SYAP1: variants seen among roughly 807,000 people sequenced by gnomAD.
SYAP1 encodes synapse associated protein 1, also known as synapse-associated protein 1.
Under a neutral mutation model 29.6 loss-of-function variants are expected in SYAP1, and 3 were observed. The ratio of observed to expected loss-of-function variants is 0.10; its 90% CI spans 0.05 to 0.26. The LOEUF is 0.26. Among genes scored for constraint, SYAP1 ranks in the 10% least tolerant of loss-of-function variants. SYAP1 has a pLI of 1.00. For missense variants in SYAP1, 217 were observed against 264.1 expected (o/e 0.82, Z 1.24); for synonymous variants, 102 against 102.7 (o/e 0.99, Z 0.04).
Position 16,754,974 on chromosome X carries a change from A to G in SYAP1, c.605A>G (p.Tyr202Cys). 2 of 1,211,342 alleles carry G rather than the reference A, an allele frequency of 1.7e-6. No individual in the cohort carries two copies. Among genetic ancestry groups the G allele is most frequent in the Non-Finnish European group, 2.2e-6 (2 of 895,175 alleles). ...LVKEEVFWRN[Y>C]FYRVSLIKQS... ...AAGGAAGAAGTGTTCTGGAGGAACT[A>G]CTTTTACCGCGTCTCCCTGATTAAG... The change falls in exon 6 of 9, where the codon TAC becomes TGC. Residue 202 changes from tyrosine to cysteine, a missense_variant. By Grantham distance (194) the Tyr-to-Cys change is radical. Transcript: ENST00000380155.
chrX:16,729,256 C>T (rs775178720), intron 1 of SYAP1, among the ~76,000 whole-genome samples: 18 of 110,920 alleles, frequency 1.6e-4, no homozygotes, highest in Admixed American at 5.8e-4. Flanking sequence ...GCAATGCTTC[C>T]TGTGTGGTTT....
chrX:16,740,285 G>A (rs1254262210), intron 3 of SYAP1, among the ~76,000 whole-genome samples: 3 of 109,665 alleles, frequency 2.7e-5, no homozygotes, highest in Middle Eastern at 4.7e-3. Context: ...AGCTTCTAAC[G>A]GCTTATTGAG....
intron 5 of SYAP1, among the ~76,000 whole-genome samples, chrX:16,744,706 C>T (rs757030035): frequency 1.4e-4 from 16 of 110,940 alleles, no homozygotes; most frequent in African/African-American, 4.6e-4. Context: ...GTGGTGTGCA[C>T]CTTTAGTCCC....
rs773462591 is a variant in SYAP1, at chrX:16,740,963, A to G, written c.362-753A>G. Among the ~76,000 whole-genome samples, 11 of 110,255 alleles carry G rather than the reference A, an allele frequency of 1.0e-4. No homozygotes were observed. In the East Asian group the frequency reaches 3.1e-3, roughly 32 times the overall value. On this transcript the variant is annotated intron_variant, in intron 3 of 8. Coordinates refer to ENST00000380155, the MANE Select transcript of SYAP1 (RefSeq NM_032796.4). ...TATGATATTAATATTTTTGAAGAATACTTCTCTTCCTTTTTTTTAATAGAT... is the reference window on the plus strand; with the variant it reads ...TATGATATTAATATTTTTGAAGAATGCTTCTCTTCCTTTTTTTTAATAGAT...
At position 16,741,802 on chromosome X, in the gene SYAP1, T is replaced by C; in HGVS notation, c.435+13T>C. The C allele has an allele frequency of 8.8e-7, 1 of 1,131,894 alleles. No individual in the cohort carries two copies. Among genetic ancestry groups the C allele is most frequent in the Non-Finnish European group, 1.2e-6 (1 of 827,131 alleles). The allele number at this position is 1,131,894 out of a possible 1,213,427, so 93.3% of individuals were successfully genotyped here. ...GGCCTTATCAGCTGTAAGTATCTTG[T>C]GGTACCCCAGATAGAACATACTTTC... On this transcript the variant is annotated intron_variant, in intron 4 of 8. Transcript: ENST00000380155.
chrX:16,755,692 T>C (rs1926828679), intron 6 of SYAP1, among the ~76,000 whole-genome samples: 1 of 111,696 alleles, frequency 9.0e-6, no homozygotes, highest in Non-Finnish European at 1.9e-5. Flanking sequence ...TAGGCACTGA[T>C]GAACATTGGA....
chrX:16,763,075 C>A lies in SYAP1; in HGVS notation c.*2716C>A, dbSNP rs1181318077. ...GGCTGAGGCAGGCAGATTGCTTGAG[C>A]TCAGGAGTTCAAGACCAGCCTGGGC... On this transcript the variant is annotated 3_prime_UTR_variant, in exon 9 of 9. Coordinates refer to ENST00000380155, the MANE Select transcript of SYAP1 (RefSeq NM_032796.4). 1 of 110,551 alleles carries A rather than the reference C, an allele frequency of 9.0e-6. No homozygotes were observed. The highest frequency in any genetic ancestry group is 1.9e-5 in the Non-Finnish European group (1 of 53,013). 9.1% of individuals were successfully genotyped at this position (110,551 alleles called of 1,213,427 possible). A position where few individuals can be genotyped will look rare whatever the true frequency, so the allele number is the denominator to read the frequency against.
At chrX:16,720,820 C>T (rs1925942071) in intron 1 of SYAP1, among the ~76,000 whole-genome samples, 1 of 110,907 alleles carries the variant, frequency 9.0e-6, no homozygotes, top group Admixed American at 9.7e-5. Context: ...CGAGACCAGC[C>T]TGGCCAACAC....
At chrX:16,721,984 T>C (rs1397055655) in intron 1 of SYAP1, among the ~76,000 whole-genome samples, 3 of 112,550 alleles carry the variant, frequency 2.7e-5, no homozygotes, top group East Asian at 5.5e-4. Flanking sequence ...ACATTGTGAA[T>C]TTAAAGCTTC....
At chrX:16,736,338 G>A in intron 3 of SYAP1, 106 bp downstream of exon 3, 1 of 502,600 alleles carries the variant, frequency 2.0e-6, no homozygotes, top group Non-Finnish European at 3.5e-6. Flanking sequence ...CATATGCAAT[G>A]GCCCCATCCT....
chrX:16,756,006 T>C (rs1007520099), intron 6 of SYAP1, among the ~76,000 whole-genome samples: 2 of 111,507 alleles, frequency 1.8e-5, no homozygotes, highest in African/African-American at 6.5e-5. Context: ...TGGAGTGAAG[T>C]TGCTCTACAC....
In SYAP1 at chrX:16,734,032, T is replaced by C. The variant is rs189557446; in HGVS notation, c.176-1195T>C. Reference sequence around the variant, plus strand: ...GGTTTTGTTTTGTAAAAACTGGAAGTTTTATGGGTTCCACTTTTAATCTTG... The same window carrying C: ...GGTTTTGTTTTGTAAAAACTGGAAGCTTTATGGGTTCCACTTTTAATCTTG... On this transcript the variant is annotated intron_variant, in intron 1 of 8. Coordinates refer to ENST00000380155, the MANE Select transcript of SYAP1 (RefSeq NM_032796.4). Among the ~76,000 whole-genome samples the C allele has an allele frequency of 1.6e-4, 18 of 111,207 alleles. No homozygotes were observed. In the East Asian group the frequency reaches 5.1e-3, roughly 32 times the overall value.
intron 5 of SYAP1, among the ~76,000 whole-genome samples, chrX:16,752,540 G>A (rs1364534701): frequency 9.1e-6 from 1 of 109,629 alleles, no homozygotes; most frequent in Non-Finnish European, 1.9e-5. Context: ...ACCACAGTGT[G>A]CCCATCCAAA....
chrX:16,735,570 A>T (rs1188917502), intron 2 of SYAP1, among the ~76,000 whole-genome samples: 1 of 112,485 alleles, frequency 8.9e-6, no homozygotes, highest in East Asian at 2.7e-4. Context: ...ATATATTACA[A>T]TCAATACATT....
intron 8 of SYAP1, among the ~76,000 whole-genome samples, chrX:16,758,171 G>A (rs903597006): frequency 1.8e-5 from 2 of 110,950 alleles, no homozygotes; most frequent in Non-Finnish European, 3.8e-5. Context: ...AGGCTCCAAT[G>A]TAGCTGGGAC....
intron 1 of SYAP1, among the ~76,000 whole-genome samples, chrX:16,732,532 A>G (rs62585742): frequency 2.7e-5 from 3 of 111,241 alleles, no homozygotes; most frequent in Non-Finnish European, 5.7e-5. Flanking sequence ...TCGGCCTCCC[A>G]AAGTGCTGGG....
chrX:16,748,123 A>G (rs1926649454), intron 5 of SYAP1, among the ~76,000 whole-genome samples: 1 of 112,084 alleles, frequency 8.9e-6, no homozygotes, highest in Non-Finnish European at 1.9e-5. Flanking sequence ...TTGCTGAAGT[A>G]TTTACAAATG....
intron 1 of SYAP1, among the ~76,000 whole-genome samples, chrX:16,731,839 C>T (rs1926210414): frequency 9.0e-6 from 1 of 110,770 alleles, no homozygotes; most frequent in African/African-American, 3.3e-5. Flanking sequence ...ACTCCAGAGG[C>T]TGAGGCAGGA....
In SYAP1 at chrX:16,741,634, A is replaced by G. The variant is rs376994700; in HGVS notation, c.362-82A>G. On this transcript the variant is annotated intron_variant, in intron 3 of 8. Coordinates refer to ENST00000380155, the MANE Select transcript of SYAP1 (RefSeq NM_032796.4). The stretch of plus-strand genomic sequence containing the variant: ...TTTTAGTGGTCATGCAGAAACTTTC[A>G]TGCTTTGAAACCATAGACTGCAGTG... The G allele has an allele frequency of 2.0e-4, 139 of 683,622 alleles. No homozygotes were observed. The African/African-American group carries it at 2.8e-3, about 14-fold the overall frequency. The allele number at this position is 683,622 out of a possible 1,213,427, so 56.3% of individuals were successfully genotyped here.
Sources: allele counts gnomAD v4.1 joint callset (sites outside exome capture counted in the v4.1 genomes callset), GRCh38; gene constraint gnomAD v4.1.1; transcripts MANE v1.5; gene names NCBI Gene and HGNC (gene_info 2026-07-23, HGNC 2026-07-21).